L3MBTL4: variants seen among roughly 807,000 people sequenced by gnomAD.
The protein encoded by L3MBTL4 is lethal(3)malignant brain tumor-like protein 4.
Under a neutral mutation model 84.5 loss-of-function variants are expected in L3MBTL4, and 70 were observed. That is an observed-to-expected ratio of 0.83 (90% CI 0.68 to 1.01). L3MBTL4 has a LOEUF of 1.01. L3MBTL4 is among the 50% of genes least tolerant of loss of function. The probability of loss-of-function intolerance (pLI) is 0.00; values close to 1 mark genes in which losing one functional copy is unlikely to be tolerated. For synonymous variants in L3MBTL4, 274 were observed against 259.8 expected, an observed-to-expected ratio of 1.05 and a Z score of -0.52; for missense variants, 715 against 754.8, an observed-to-expected ratio of 0.95 and a Z score of 0.62.
At chr18:6,214,916 C>T (rs1319539815) in intron 11 of L3MBTL4, among the ~76,000 whole-genome samples, 3 of 152,206 alleles carry the variant, frequency 2.0e-5, no homozygotes, top group African/African-American at 7.2e-5. Flanking sequence ...TGAACCTTTG[C>T]TCTTTTTAAA....
intron 12 of L3MBTL4, among the ~76,000 whole-genome samples, chr18:6,205,335 T>C (rs928523088): frequency 6.6e-6 from 1 of 152,232 alleles, no homozygotes; most frequent in Non-Finnish European, 1.5e-5. Context: ...GGAACCAGCC[T>C]TGCGGACACC....
chr18:6,409,091 T>C (rs1256723629), intron 1 of L3MBTL4, among the ~76,000 whole-genome samples: 1 of 152,220 alleles, frequency 6.6e-6, no homozygotes, highest in African/African-American at 2.4e-5. Flanking sequence ...TTGTTGGCCC[T>C]GGATTTAGAT....
intron 16 of L3MBTL4, among the ~76,000 whole-genome samples, chr18:6,070,763 C>G (rs1378435777): frequency 6.6e-6 from 1 of 151,820 alleles, no homozygotes; most frequent in Non-Finnish European, 1.5e-5. Flanking sequence ...ACTTGAGCCC[C>G]GCAGGTTGAG....
At chr18:6,220,347 C>T (rs986388431) in intron 10 of L3MBTL4, among the ~76,000 whole-genome samples, 18 of 152,280 alleles carry the variant, frequency 1.2e-4, no homozygotes, top group Admixed American at 5.2e-4. Context: ...CACTACACTC[C>T]TGCTGTAACT....
intron 16 of L3MBTL4, among the ~76,000 whole-genome samples, chr18:6,021,300 T>C (rs193001736): frequency 8.5e-4 from 130 of 152,338 alleles, no homozygotes; most frequent in African/African-American, 2.8e-3. Flanking sequence ...AGTCTCCTCA[T>C]TGAAATGCAG....
intron 3 of L3MBTL4, among the ~76,000 whole-genome samples, chr18:6,304,439 A>G (rs970364934): frequency 4.6e-5 from 7 of 152,256 alleles, no homozygotes; most frequent in African/African-American, 1.7e-4. Context: ...CTATAAGCCA[A>G]TGCTTCTTAA....
chr18:6,243,430 C>G lies in L3MBTL4; in HGVS notation c.325-1G>C. ...GAAGTCTTAGACGGTAACCACAAACCTGCAAGATAGAAAGTTTACAATCAT... is the reference window on the plus strand; with the variant it reads ...GAAGTCTTAGACGGTAACCACAAACGTGCAAGATAGAAAGTTTACAATCAT... On this transcript the variant is annotated splice_acceptor_variant, in intron 6 of 18. Transcript: ENST00000317931. LOFTEE classifies it high-confidence loss of function. The G allele has an allele frequency of 6.3e-7, 1 of 1,589,472 alleles. No homozygotes were observed. Among genetic ancestry groups the G allele is most frequent in the Non-Finnish European group, 8.5e-7 (1 of 1,170,442 alleles).
chr18:6,018,025 CAG>C (rs2055079222), intron 16 of L3MBTL4, among the ~76,000 whole-genome samples: 5 of 152,108 alleles, frequency 3.3e-5, no homozygotes. Flanking sequence ...GAGCTGGAAA[CAG>C]AACTCTTTCA....
At chr18:6,166,958 GA>G in intron 13 of L3MBTL4, among the ~76,000 whole-genome samples, 1 of 151,712 alleles carries the variant, frequency 6.6e-6, no homozygotes, top group East Asian at 1.9e-4. Context: ...AAAGAGAGAA[GA>G]ATCAAATAGA....
At chr18:6,135,476 T>C (rs906285396) in intron 14 of L3MBTL4, among the ~76,000 whole-genome samples, 7 of 152,236 alleles carry the variant, frequency 4.6e-5, no homozygotes, top group African/African-American at 1.7e-4. Flanking sequence ...TAAAATGGGA[T>C]GCTTTTAACA....
At chr18:6,274,726 T>C (rs559897002) in intron 4 of L3MBTL4, among the ~76,000 whole-genome samples, 35 of 152,276 alleles carry the variant, frequency 2.3e-4, no homozygotes, top group African/African-American at 8.2e-4. Context: ...CGGTATAGAA[T>C]AAGAAAGGAA....
intron 1 of L3MBTL4, among the ~76,000 whole-genome samples, chr18:6,318,517 A>AC (rs2051232078): frequency 6.8e-6 from 1 of 146,302 alleles, no homozygotes; most frequent in Non-Finnish European, 1.5e-5. Flanking sequence ...AAAAAAAAAA[A>AC]AAAAAAAAGA....
intron 4 of L3MBTL4, among the ~76,000 whole-genome samples, chr18:6,276,127 C>T (rs2049068069): frequency 6.6e-6 from 1 of 152,206 alleles, no homozygotes; most frequent in Non-Finnish European, 1.5e-5. Context: ...TTGTCTCTTA[C>T]CTACCTATGA....
intron 1 of L3MBTL4, among the ~76,000 whole-genome samples, chr18:6,412,578 G>C (rs774872294): frequency 1.3e-5 from 2 of 152,108 alleles, no homozygotes; most frequent in East Asian, 1.9e-4. Context: ...GGAAGAACTC[G>C]AGGGCTTTCC....
intron 1 of L3MBTL4, among the ~76,000 whole-genome samples, chr18:6,350,170 G>A (rs1187035289): frequency 2.0e-5 from 3 of 152,078 alleles, no homozygotes; most frequent in Non-Finnish European, 4.4e-5. Flanking sequence ...GAAAACATAA[G>A]TGAAAACCCT....
At chr18:6,178,772 AAAC>A (rs966370815) in intron 12 of L3MBTL4, among the ~76,000 whole-genome samples, 2 of 152,202 alleles carry the variant, frequency 1.3e-5, no homozygotes, top group East Asian at 1.9e-4. Flanking sequence ...AGCATATTAA[AAAC>A]AACAACAACA....
chr18:6,038,329 C>T (rs1164745537), intron 16 of L3MBTL4, among the ~76,000 whole-genome samples: 2 of 146,576 alleles, frequency 1.4e-5, no homozygotes, highest in African/African-American at 5.0e-5. Context: ...TCTCGGCTCA[C>T]TGCAAGCTCC....
At chr18:6,064,714 T>C (rs1718534145) in intron 16 of L3MBTL4, among the ~76,000 whole-genome samples, 2 of 151,986 alleles carry the variant, frequency 1.3e-5, no homozygotes, top group Non-Finnish European at 2.9e-5. Context: ...CCTGAGACCT[T>C]ACTGAATTTG....
intron 10 of L3MBTL4, among the ~76,000 whole-genome samples, chr18:6,225,442 A>G (rs2046739763): frequency 6.6e-6 from 1 of 152,204 alleles, no homozygotes; most frequent in Non-Finnish European, 1.5e-5. Flanking sequence ...AAAAATGTTA[A>G]GGCAGCACAA....
Sources: gnomAD v4.1 joint callset for allele counts (sites outside exome capture counted in the v4.1 genomes callset) on GRCh38, gnomAD v4.1.1 for gene constraint, MANE v1.5 for transcripts, NCBI Gene and HGNC (gene_info 2026-07-23, HGNC 2026-07-21) for gene names.